Variants in DOCK6 observed in about 807,000 individuals in gnomAD.
DOCK6 encodes dedicator of cytokinesis protein 6.
Under a neutral mutation model 230.3 loss-of-function variants are expected in DOCK6, and 167 were observed. That is an observed-to-expected ratio of 0.73 (90% CI 0.64 to 0.82). DOCK6 has a LOEUF of 0.82. Ranked by LOEUF, DOCK6 falls within the 40% of genes least tolerant of loss-of-function variation. The pLI, the probability that DOCK6 is intolerant of heterozygous loss-of-function variation, is 0.00. For missense variants in DOCK6, 2,598 were observed against 2,825.8 expected (o/e 0.92, Z 1.83); for synonymous variants, 1,148 against 1,185.0 (o/e 0.97, Z 0.64).
chr19:11,228,036 G>A (rs2079697695), intron 23 of DOCK6, among the ~76,000 whole-genome samples: 2 of 136,324 alleles, frequency 1.5e-5, no homozygotes, highest in African/African-American at 2.7e-5. Flanking sequence ...TTTTTGAGAT[G>A]GAGTCTTGCC....
chr19:11,222,340 A>C lies in DOCK6; in HGVS notation c.3241-92T>G. 4.3e-5 allele frequency: 64 copies of C among 1,477,272 alleles called. No individual in the cohort carries two copies. The highest frequency in any genetic ancestry group is 5.8e-5 in the Non-Finnish European group (63 of 1,093,106). The allele number at this position is 1,477,272 out of a possible 1,614,324, so 91.5% of individuals were successfully genotyped here. On this transcript the variant is annotated intron_variant, in intron 26 of 47. Coordinates refer to ENST00000294618, the MANE Select transcript of DOCK6 (RefSeq NM_020812.4). The surrounding 1 kb of genome is among the most constrained non-coding windows in gnomAD (Gnocchi z 4.0). ...AGCCATCTTGGAGGTGACAGAAATC[A>C]TGGTGCCAATAGCCACAGATGAAAG... is the stretch of plus-strand genomic sequence containing the variant.
intron 47 of DOCK6, 85 bp from the exon 48 acceptor site, chr19:11,199,624 TC>T: frequency 7.3e-7 from 1 of 1,368,070 alleles, no homozygotes; most frequent in Non-Finnish European, 1.0e-6. Context: ...TTCCTCCTCC[TC>T]CTCGTCTTCC....
rs376404147 is a variant in DOCK6, at chr19:11,208,932, G to A, written c.4923C>T (p.Pro1641=). ...TCACCTGGAAGGAAACGCAGCCCAC[G>A]GGCAGGTGGCGGTGGTCCTCGAGCA... ...LALLEDHRHL[P]VGCVSFQNIS... is the part of the protein sequence containing the mutation. The change falls in exon 38 of 48, where the codon CCC becomes CCT. Residue 1641 remains proline, a synonymous_variant. Transcript: ENST00000294618. 8.1e-6 allele frequency: 13 copies of A among 1,596,758 alleles called. No individual in the cohort carries two copies. Among genetic ancestry groups the A allele is most frequent in the African/African-American group, 4.0e-5 (3 of 74,516 alleles).
rs1010290106 is a variant in DOCK6, at chr19:11,222,427, C to G, written c.3241-179G>C. On this transcript the variant is annotated intron_variant, in intron 26 of 47. Transcript: ENST00000294618. The surrounding 1 kb of genome is among the most constrained non-coding windows in gnomAD (Gnocchi z 4.0). ...GGGTTTCAAGGCCAGAAGTGAGGGGCTGACGTTAACCCATCTGTGATGTAA... is the reference window on the plus strand; with the variant it reads ...GGGTTTCAAGGCCAGAAGTGAGGGGGTGACGTTAACCCATCTGTGATGTAA... 7 of 875,362 alleles carry G rather than the reference C, an allele frequency of 8.0e-6. No individual in the cohort carries two copies. In the Admixed American group the frequency reaches 1.7e-4, roughly 21 times the overall value. The allele number at this position is 875,362 out of a possible 1,614,324, so 54.2% of individuals were successfully genotyped here. A position where few individuals can be genotyped will look rare whatever the true frequency, so the allele number is the denominator to read the frequency against.
At chr19:11,235,128 T>G (rs1180380078) in intron 21 of DOCK6, among the ~76,000 whole-genome samples, 2 of 151,966 alleles carry the variant, frequency 1.3e-5, no homozygotes, top group Admixed American at 1.3e-4. Context: ...TTTGTTTTTG[T>G]TTTTTGAGAT....
At chr19:11,233,617 T>C (rs2079803198) in intron 21 of DOCK6, among the ~76,000 whole-genome samples, 1 of 152,022 alleles carries the variant, frequency 6.6e-6, no homozygotes, top group African/African-American at 2.4e-5. Flanking sequence ...GAGGATCACT[T>C]GAGCCCAAGA....
At chr19:11,211,966 G>A in intron 36 of DOCK6, 27 bp downstream of exon 36, 1 of 1,583,122 alleles carries the variant, frequency 6.3e-7, no homozygotes, top group Non-Finnish European at 8.6e-7. Flanking sequence ...TGAAGGGGAG[G>A]CGGGGCGGGG....
In DOCK6 at chr19:11,216,936, C is replaced by T. The variant is rs752178176; in HGVS notation, c.3872G>A (p.Cys1291Tyr). Reference protein sequence around the residue: ...LGRLLDLLYLCLAAFEYKGKK... With the variant: ...LGRLLDLLYLYLAAFEYKGKK... ...AACCTTGTACTCAAAGGCAGCTAGG[C>T]AAAGGTACAGCAAATCCAACAGACG... Residue 1291 changes from cysteine to tyrosine, a missense_variant, in exon 30 of 48, where the codon TGC becomes TAC. Transcript: ENST00000294618. The T allele has an allele frequency of 9.3e-6, 15 of 1,613,750 alleles. No homozygotes were observed. The highest frequency in any genetic ancestry group is 2.7e-5 in the African/African-American group (2 of 75,028).
chr19:11,256,351 G>A (rs767258728), intron 1 of DOCK6, among the ~76,000 whole-genome samples: 2 of 152,150 alleles, frequency 1.3e-5, no homozygotes, highest in Non-Finnish European at 2.9e-5. Flanking sequence ...GAGGAGGGAC[G>A]GCTGGGCCTC....
intron 35 of DOCK6, among the ~76,000 whole-genome samples, chr19:11,212,565 C>CTTTT (rs111849239): frequency 6.4e-5 from 2 of 31,486 alleles, no homozygotes; most frequent in Admixed American, 4.1e-4. Flanking sequence ...TTCTTTCTTT[C>CTTTT]TTTTTTTTTT....
chr19:11,235,481 C>T, intron 21 of DOCK6, 117 bp downstream of exon 21: 1 of 1,043,984 alleles, frequency 9.6e-7, no homozygotes, highest in Non-Finnish European at 1.4e-6. Flanking sequence ...GAACTCCTGA[C>T]CTCAAATGAT....
chr19:11,214,151 C>G (rs1343131745), intron 34 of DOCK6, 124 bp downstream of exon 34: 1 of 1,375,838 alleles, frequency 7.3e-7, no homozygotes, highest in Non-Finnish European at 9.6e-7. Flanking sequence ...TCTCAAACTC[C>G]TGGCCTCAAG....
intron 33 of DOCK6, 41 bp from the exon 34 acceptor site, chr19:11,214,450 G>A (rs965856618): frequency 6.2e-7 from 1 of 1,613,656 alleles, no homozygotes; most frequent in Non-Finnish European, 8.5e-7. Context: ...TTAGAGCCTA[G>A]GGTGGTTATG....
intron 2 of DOCK6, among the ~76,000 whole-genome samples, chr19:11,253,357 C>T (rs528659409): frequency 6.6e-6 from 1 of 152,308 alleles, no homozygotes; most frequent in Non-Finnish European, 1.5e-5. Flanking sequence ...CCATCCCCAT[C>T]TAGGTGGTCC....
intron 28 of DOCK6, among the ~76,000 whole-genome samples, chr19:11,219,515 C>T (rs930099923): frequency 3.3e-5 from 5 of 151,512 alleles, no homozygotes; most frequent in African/African-American, 9.7e-5. Flanking sequence ...ATCGGCTGGG[C>T]GTGGTGGCTC....
intron 9 of DOCK6, among the ~76,000 whole-genome samples, chr19:11,244,840 C>T (rs1225243435): frequency 1.3e-5 from 2 of 151,634 alleles, no homozygotes; most frequent in Non-Finnish European, 1.5e-5. Flanking sequence ...GCGATCCTCC[C>T]GCCTCAGCCT....
At chr19:11,216,090 A>AAAT in intron 30 of DOCK6, 163 bp from the exon 31 acceptor site, 1 of 621,716 alleles carries the variant, frequency 1.6e-6, no homozygotes, top group Non-Finnish European at 2.4e-6. Context: ...CAAAAAAAAA[A>AAAT]TTTTTTTTTT....
intron 37 of DOCK6, 47 bp from the exon 38 acceptor site, chr19:11,209,150 C>T (rs2079318769): frequency 6.4e-7 from 1 of 1,562,656 alleles, no homozygotes; most frequent in South Asian, 1.2e-5. Flanking sequence ...TCACCTGGTC[C>T]TCCCCACCTG....
rs374437993 is a variant in DOCK6, at chr19:11,217,011, G to T, written c.3797C>A (p.Pro1266Gln). ...CVLWVLKNTE[P>Q]ALLQRWATDL... ...AGTGGCCCAGCGCTGCAGGAGCGCC[G>T]GCTCGGTGTTTTTCAGCACCCACAG... The change falls in exon 30 of 48, where the codon CCG becomes CAG. Residue 1266 changes from proline to glutamine, a missense_variant. Transcript: ENST00000294618. 7 of 1,613,508 alleles carry T rather than the reference G, an allele frequency of 4.3e-6. No individual in the cohort carries two copies. The highest frequency in any genetic ancestry group is 2.7e-5 in the African/African-American group (2 of 74,922).
Sources: gnomAD v4.1 joint callset for allele counts (sites outside exome capture counted in the v4.1 genomes callset) on GRCh38, gnomAD v4.1.1 for gene constraint, Gnocchi (gnomAD v3.1) non-coding constraint, MANE v1.5 for transcripts, NCBI Gene and HGNC (gene_info 2026-07-23, HGNC 2026-07-21) for gene names.